STXBP2: variants seen among roughly 807,000 people sequenced by gnomAD.
The protein encoded by STXBP2 is syntaxin binding protein 2, also known as syntaxin-binding protein 2.
STXBP2 carries 47 observed loss-of-function variants against 72.2 expected under a neutral mutation model. That is an observed-to-expected ratio of 0.65 (90% CI 0.51 to 0.83). The LOEUF (loss-of-function observed/expected upper bound fraction) is 0.83, where lower values mean the gene tolerates loss of function less well. Among genes scored for constraint, STXBP2 ranks in the 40% least tolerant of loss-of-function variants. STXBP2 has a pLI of 0.00. For synonymous variants in STXBP2, 367 were observed against 338.7 expected, an observed-to-expected ratio of 1.08 and a Z score of -0.92; for missense variants, 702 against 807.6, an observed-to-expected ratio of 0.87 and a Z score of 1.58.
At position 7,639,821 on chromosome 19, in the gene STXBP2, T is replaced by C. The variant is rs751538989; in HGVS notation, c.246+14T>C. ...CCCACGGAGAAGGTGCCTACATGAG[T>C]GAGCGTGTGTGTATGCGCGTGCATG... On this transcript the variant is annotated intron_variant, in intron 4 of 18. Coordinates refer to ENST00000221283, the MANE Select transcript of STXBP2 (RefSeq NM_006949.4). The C allele has an allele frequency of 1.9e-6, 3 of 1,613,502 alleles. No individual in the cohort carries two copies. The South Asian group carries it at 3.3e-5, about 18-fold the overall frequency.
chr19:7,638,566 C>T (rs2031658241), intron 1 of STXBP2, among the ~76,000 whole-genome samples, 160 bp from the exon 2 acceptor site: 1 of 151,386 alleles, frequency 6.6e-6, no homozygotes, highest in African/African-American at 2.4e-5. Context: ...CACACCACTG[C>T]ACTTTAGCCT....
chr19:7,642,415 T>G lies in STXBP2; in HGVS notation c.795-14T>G, dbSNP rs1222017211. On this transcript the variant is annotated splice_polypyrimidine_tract_variant and intron_variant, in intron 9 of 18. Transcript: ENST00000221283. The surrounding 1 kb of genome is among the most constrained non-coding windows in gnomAD (Gnocchi z 6.0). ...CAGCTCCCCTGACCCCCAGGCTCCC[T>G]CCTTCCTCCCCAGGTATGAGACCAC... The G allele has an allele frequency of 6.2e-7, 1 of 1,613,782 alleles. No individual in the cohort carries two copies. The highest frequency in any genetic ancestry group is 8.5e-7 in the Non-Finnish European group (1 of 1,179,920).
At chr19:7,636,347 C>G (rs1328995783), upstream of STXBP2, 1 of 152,216 alleles carries the variant, frequency 6.6e-6, no homozygotes, top group African/African-American at 2.4e-5. Flanking sequence ...ACAGCAGAAG[C>G]AGCTTCTGAA....
Position 7,645,309 on chromosome 19 carries a change from A to T in STXBP2, c.1356+3A>T. 1.3e-6 allele frequency: 2 copies of T among 1,578,134 alleles called. No homozygotes were observed. The highest frequency in any genetic ancestry group is 1.7e-6 in the Non-Finnish European group (2 of 1,160,864). ...GAGGCACTGTCACCAACCCCGGGGT[A>T]CGCCAGGAGCGGGCATGGGGGGACC... is the stretch of plus-strand genomic sequence containing the variant. On this transcript the variant is annotated splice_donor_region_variant and intron_variant, in intron 15 of 18. Coordinates refer to ENST00000221283, the MANE Select transcript of STXBP2 (RefSeq NM_006949.4).
rs746846043 is a variant in STXBP2 at position 7,647,234 on chromosome 19, CA to C, written c.1526del (p.Gln509ArgfsTer18). On this transcript the variant is annotated frameshift_variant, in exon 17 of 19. Transcript: ENST00000221283. LOFTEE classifies it high-confidence loss of function. ...CGACCCCGCCCCCACGGCCAGCTCC[CA>C]GGCCGCTGTCAGGTGAGGCCCCGGG... The part of the protein sequence containing the change: ...VSDPAPTASS[Q>X]AAVSARFGHW... 1 of 1,611,464 alleles carries C rather than the reference CA, an allele frequency of 6.2e-7. No individual in the cohort carries two copies. Among genetic ancestry groups the C allele is most frequent in the South Asian group, 1.1e-5 (1 of 91,054 alleles).
Position 7,640,911 on chromosome 19 carries a change from C to A in STXBP2, c.337C>A (p.Pro113Thr). 6.2e-7 allele frequency: 1 copy of A among 1,614,206 alleles called. No individual in the cohort carries two copies. The change falls in exon 6 of 19, where the codon CCC becomes ACC. Residue 113 changes from proline to threonine, a missense_variant. Coordinates refer to ENST00000221283, the MANE Select transcript of STXBP2 (RefSeq NM_006949.4). ...HIFFTDTCPE[P>T]LFSELGRSRL... is the part of the protein sequence containing the mutation. Reference sequence around the variant, plus strand: ...CTGCCTCACCCCAGCCTGCCCCGAGCCCCTGTTCAGTGAGCTAGGCCGCTC... The same window carrying A: ...CTGCCTCACCCCAGCCTGCCCCGAGACCCTGTTCAGTGAGCTAGGCCGCTC...
In STXBP2 at chr19:7,642,961, C is replaced by T. The variant is rs777414545; in HGVS notation, c.961-22C>T. 3 of 1,614,114 alleles carry T rather than the reference C, an allele frequency of 1.9e-6. No homozygotes were observed. The highest frequency in any genetic ancestry group is 2.5e-6 in the Non-Finnish European group (3 of 1,179,996). On this transcript the variant is annotated intron_variant, in intron 11 of 18. Transcript: ENST00000221283. The surrounding 1 kb of genome is among the most constrained non-coding windows in gnomAD (Gnocchi z 6.0). ...CCTGGCTTCGCCCCCCAATCCCTAC[C>T]CTCTTCCCCCTACTTCCCCAGGCGA...
At position 7,647,860 on chromosome 19, in the gene STXBP2, C is replaced by T; in HGVS notation, c.*50C>T. ...CCCTTTCCAGAGAAATAAACTCTTC[C>T]CGTCGCTCTGCCAGCCAGTGCCTAC... On this transcript the variant is annotated 3_prime_UTR_variant, in exon 19 of 19. Coordinates refer to ENST00000221283, the MANE Select transcript of STXBP2 (RefSeq NM_006949.4). 1 of 1,526,898 alleles carries T rather than the reference C, an allele frequency of 6.5e-7. No homozygotes were observed. The highest frequency in any genetic ancestry group is 9.0e-7 in the Non-Finnish European group (1 of 1,105,988). 94.6% of individuals were successfully genotyped at this position (1,526,898 alleles called of 1,614,324 possible).
upstream of STXBP2, among the ~76,000 whole-genome samples, chr19:7,634,400 C>T (rs552218848): frequency 7.9e-5 from 12 of 152,318 alleles, no homozygotes; most frequent in African/African-American, 2.2e-4. Flanking sequence ...TCCTCTGTTC[C>T]ACAAAAGGCC....
intron 4 of STXBP2, 136 bp downstream of exon 4, chr19:7,639,943 TGTGTGC>T: frequency 2.3e-6 from 2 of 870,392 alleles, no homozygotes; most frequent in Non-Finnish European, 3.6e-6. Flanking sequence ...TGTGTGCATG[TGTGTGC>T]ATGTGTGTGT....
chr19:7,644,564 C>G (rs1474139174), intron 13 of STXBP2, 50 bp from the exon 14 acceptor site: 6 of 1,604,246 alleles, frequency 3.7e-6, no homozygotes, highest in Non-Finnish European at 5.1e-6. Context: ...CTCTCCCATC[C>G]CCTTCCCTGA....
upstream of STXBP2, among the ~76,000 whole-genome samples, chr19:7,634,206 C>T (rs540194448): frequency 6.0e-4 from 91 of 152,304 alleles, no homozygotes; most frequent in African/African-American, 1.9e-3. Context: ...CAGAGGCAGG[C>T]GGGGAGAGGA....
chr19:7,631,778 T>C, the STXBP2 span: 9 of 1,415,142 alleles, frequency 6.4e-6, no homozygotes, highest in Non-Finnish European at 8.3e-6. Context: ...GGTTGGGGAC[T>C]GAGGGTCCCA....
chr19:7,630,157 G>A, the STXBP2 span: 1 of 472,662 alleles, frequency 2.1e-6, no homozygotes, highest in African/African-American at 2.0e-5. Flanking sequence ...TCCTGGGGGA[G>A]CTCTCGGGCT....
chr19:7,642,579 G>C lies in STXBP2; in HGVS notation c.902+43G>C. ...CCGGATCCCCCCCCCACCGCCCACTGTGGGCCTGGTAGCGGCCTTGGGATC... is the reference window on the plus strand; with the variant it reads ...CCGGATCCCCCCCCCACCGCCCACTCTGGGCCTGGTAGCGGCCTTGGGATC... On this transcript the variant is annotated intron_variant, in intron 10 of 18. Coordinates refer to ENST00000221283, the MANE Select transcript of STXBP2 (RefSeq NM_006949.4). This position sits in a 1 kb window ranked among gnomAD's most constrained non-coding sequence, Gnocchi z 6.0. 1.9e-6 allele frequency: 3 copies of C among 1,606,950 alleles called. No homozygotes were observed. The highest frequency in any genetic ancestry group is 2.6e-6 in the Non-Finnish European group (3 of 1,174,008).
intron 6 of STXBP2, 73 bp from the exon 7 acceptor site, chr19:7,641,631 TG>T: frequency 6.5e-7 from 1 of 1,544,356 alleles, no homozygotes; most frequent in African/African-American, 1.4e-5. Flanking sequence ...GAGGTGCAGG[TG>T]GCGGCAGCGG....
Position 7,647,153 on chromosome 19 carries a change from G to A in STXBP2, c.1453-9G>A, listed in dbSNP as rs372742473. 39 of 1,611,162 alleles carry A rather than the reference G, an allele frequency of 2.4e-5. No individual in the cohort carries two copies. Among genetic ancestry groups the A allele is most frequent in the Admixed American group, 2.0e-4 (12 of 59,982 alleles). On this transcript the variant is annotated splice_polypyrimidine_tract_variant and intron_variant, in intron 16 of 18. Coordinates refer to ENST00000221283, the MANE Select transcript of STXBP2 (RefSeq NM_006949.4). ...GGGTTCCTCCCCTAACCTGCCTCTC[G>A]GCCGCCAGGACGCCGTGGAGGACCG...
At chr19:7,629,900 G>T in the STXBP2 span, 1 of 1,490,448 alleles carries the variant, frequency 6.7e-7, no homozygotes. Context: ...CTGGGCAGGG[G>T]ATCTTCCTGG....
At chr19:7,640,325 C>A in intron 4 of STXBP2, 9 of 465,024 alleles carry the variant, frequency 1.9e-5, no homozygotes, top group East Asian at 5.5e-5. Flanking sequence ...TCTGTGTGTG[C>A]GTGTGTATGC....
Sources: allele counts gnomAD v4.1 joint callset (sites outside exome capture counted in the v4.1 genomes callset), GRCh38; gene constraint gnomAD v4.1.1; non-coding constraint Gnocchi (gnomAD v3.1); transcripts MANE v1.5; gene names NCBI Gene and HGNC (gene_info 2026-07-23, HGNC 2026-07-21).